Variants in CACNA1B observed in about 807,000 individuals in gnomAD.
CACNA1B encodes calcium voltage-gated channel subunit alpha1 B, also known as voltage-dependent N-type calcium channel subunit alpha-1B.
CACNA1B carries 70 observed loss-of-function variants against 247.2 expected under a neutral mutation model. That is an observed-to-expected ratio of 0.28 (90% CI 0.23 to 0.35). CACNA1B has a LOEUF of 0.35. Among genes scored for constraint, CACNA1B ranks in the 10% least tolerant of loss-of-function variants. The probability of loss-of-function intolerance (pLI) is 1.00; values close to 1 mark genes in which losing one functional copy is unlikely to be tolerated. For synonymous variants in CACNA1B, 1,231 were observed against 1,294.4 expected, an observed-to-expected ratio of 0.95 and a Z score of 1.05; for missense variants, 2,367 against 3,197.4, an observed-to-expected ratio of 0.74 and a Z score of 6.26.
At chr9:138,068,937 A>G (rs1027483360) in intron 31 of CACNA1B, among the ~76,000 whole-genome samples, 1 of 152,194 alleles carries the variant, frequency 6.6e-6, no homozygotes, top group Admixed American at 6.5e-5. Flanking sequence ...CTCAGCTGCG[A>G]GACAGTCGAG....
intron 6 of CACNA1B, among the ~76,000 whole-genome samples, chr9:137,939,851 A>T (rs7028353): frequency 0.24 from 18,152 of 75,630 alleles, 1,330 homozygotes; most frequent in East Asian, 0.35. Flanking sequence ...AATAAATAAA[A>T]AAAAATAAAA....
chr9:137,957,763 C>T lies in CACNA1B; in HGVS notation c.1333+76C>T, dbSNP rs901319443. 1 of 1,063,446 alleles carries T rather than the reference C, an allele frequency of 9.4e-7. No homozygotes were observed. 65.9% of individuals were successfully genotyped at this position (1,063,446 alleles called of 1,614,324 possible). The stretch of plus-strand genomic sequence containing the variant: ...AGTGCATGCTCCGCTTCCCCTGCTA[C>T]CCAGCCACTGTTGGACGCCCCTTCT... On this transcript the variant is annotated intron_variant, in intron 10 of 46. Transcript: ENST00000371372. The surrounding 1 kb of genome is among the most constrained non-coding windows in gnomAD (Gnocchi z 4.7).
chr9:137,979,257 AGGCCAAGGATAT>A (rs922433714), intron 12 of CACNA1B, among the ~76,000 whole-genome samples: 2 of 152,166 alleles, frequency 1.3e-5, no homozygotes, highest in African/African-American at 2.4e-5. Flanking sequence ...GCCCAGTTGA[AGGCCAAGGATAT>A]GGTCATTCCA....
At chr9:138,017,363 T>C (rs1958806109) in intron 18 of CACNA1B, among the ~76,000 whole-genome samples, 2 of 152,234 alleles carry the variant, frequency 1.3e-5, no homozygotes, top group African/African-American at 2.4e-5. Context: ...GTGGGCTTGC[T>C]CCCTGATGTC....
At chr9:138,022,716 C>T (rs1268221401) in intron 18 of CACNA1B, among the ~76,000 whole-genome samples, 1 of 152,088 alleles carries the variant, frequency 6.6e-6, no homozygotes, top group African/African-American at 2.4e-5. Context: ...GGTGCATTCC[C>T]ACTGTCCTGT....
At chr9:138,046,813 C>A in intron 21 of CACNA1B, 91 bp from the exon 22 acceptor site, 1 of 1,270,284 alleles carries the variant, frequency 7.9e-7, no homozygotes, top group South Asian at 1.4e-5. Flanking sequence ...AGCCCAGAGC[C>A]CTTTCTGCGG....
chr9:138,047,486 C>G lies in CACNA1B; in HGVS notation c.3603+28C>G, dbSNP rs200122899. On this transcript the variant is annotated intron_variant, in intron 23 of 46. Coordinates refer to ENST00000371372, the MANE Select transcript of CACNA1B (RefSeq NM_000718.4). ...GAGATATGTGGCTGCCCTTGTGACCCCAGTGTTTTGCTCTCCCTCCCTCAT... is the reference window on the plus strand; with the variant it reads ...GAGATATGTGGCTGCCCTTGTGACCGCAGTGTTTTGCTCTCCCTCCCTCAT... 4 of 1,552,976 alleles carry G rather than the reference C, an allele frequency of 2.6e-6. No homozygotes were observed. The South Asian group carries it at 4.5e-5, about 17-fold the overall frequency.
At chr9:137,960,494 G>A (rs891316059) in intron 10 of CACNA1B, among the ~76,000 whole-genome samples, 1 of 147,646 alleles carries the variant, frequency 6.8e-6, no homozygotes, top group Non-Finnish European at 1.5e-5. Context: ...GATGCGAGAC[G>A]CCGCCAGGGA....
chr9:138,002,676 T>G (rs1958592522), intron 15 of CACNA1B, among the ~76,000 whole-genome samples: 1 of 151,944 alleles, frequency 6.6e-6, no homozygotes, highest in Admixed American at 6.6e-5. Context: ...CACTGCGGCC[T>G]GGGCAACAGA....
chr9:137,981,591 C>T (rs1958294225), intron 12 of CACNA1B, among the ~76,000 whole-genome samples: 1 of 152,184 alleles, frequency 6.6e-6, no homozygotes, highest in Non-Finnish European at 1.5e-5. Flanking sequence ...ATTTTCCTGC[C>T]TCAGCCTCCT....
At position 138,011,440 on chromosome 9, in the gene CACNA1B, G is replaced by A. The variant is rs567295985; in HGVS notation, c.2160+1363G>A. On this transcript the variant is annotated intron_variant, in intron 17 of 46. Transcript: ENST00000371372. The surrounding 1 kb of genome is among the most constrained non-coding windows in gnomAD (Gnocchi z 4.2). ...TCGGGGCCACTGGGGGCCTGTCTGT[G>A]TCTGGCTGTGGGCATTTTTCTGGGC... is the stretch of plus-strand genomic sequence containing the variant. Among the ~76,000 whole-genome samples, 16 of 152,322 alleles carry A rather than the reference G, an allele frequency of 1.1e-4. No individual in the cohort carries two copies. The South Asian group carries it at 2.1e-3, about 20-fold the overall frequency.
intron 46 of CACNA1B, 28 bp downstream of exon 46, chr9:138,120,909 G>A (rs1351645804): frequency 1.3e-6 from 2 of 1,539,492 alleles, no homozygotes; most frequent in Middle Eastern, 1.7e-4. Flanking sequence ...AGAGGTCAGG[G>A]CCCAGCTGCC....
At chr9:137,916,241 C>G (rs921828926) in intron 5 of CACNA1B, among the ~76,000 whole-genome samples, 2 of 152,098 alleles carry the variant, frequency 1.3e-5, no homozygotes, top group Non-Finnish European at 2.9e-5. Flanking sequence ...CCATGTTGCC[C>G]AGGCTGGTCT....
In CACNA1B at chr9:138,050,837, C is replaced by T. The variant is rs1206781799; in HGVS notation, c.3711-1255C>T. Among the ~76,000 whole-genome samples, 2 of 152,160 alleles carry T rather than the reference C, an allele frequency of 1.3e-5. No homozygotes were observed. The highest frequency in any genetic ancestry group is 2.9e-5 in the Non-Finnish European group (2 of 68,022). On this transcript the variant is annotated intron_variant, in intron 24 of 46. Coordinates refer to ENST00000371372, the MANE Select transcript of CACNA1B (RefSeq NM_000718.4). The surrounding 1 kb of genome is among the most constrained non-coding windows in gnomAD (Gnocchi z 5.2). ...TGGAGACAGGAGGCTGGGTTCTTCC[C>T]ACCTGGAAGCGTTTCAGGGGGAGTT...
chr9:138,006,724 G>T lies in CACNA1B; in HGVS notation c.1975-43G>T, dbSNP rs11794499. ...GGTGGGGGTGCGTGTGTGTGGGGAA[G>T]GCGGCCATGGGGGCTTGCCCTGTGT... On this transcript the variant is annotated intron_variant, in intron 15 of 46. Coordinates refer to ENST00000371372, the MANE Select transcript of CACNA1B (RefSeq NM_000718.4). The T allele has an allele frequency of 8.1e-3, 9,042 of 1,121,314 alleles. 48 individuals carry two copies. Among genetic ancestry groups the T allele is most frequent in the Non-Finnish European group, 9.5e-3 (6,976 of 736,842 alleles). 69.5% of individuals were successfully genotyped at this position (1,121,314 alleles called of 1,614,324 possible). A position where few individuals can be genotyped will look rare whatever the true frequency, so the allele number is the denominator to read the frequency against.
chr9:138,027,076 T>C (rs1406962001), intron 20 of CACNA1B, among the ~76,000 whole-genome samples: 1 of 152,262 alleles, frequency 6.6e-6, no homozygotes, highest in Non-Finnish European at 1.5e-5. Context: ...TTTGATGAGA[T>C]TCCTATTCAA....
At chr9:137,935,313 C>T (rs1242866554) in intron 6 of CACNA1B, among the ~76,000 whole-genome samples, 2 of 152,072 alleles carry the variant, frequency 1.3e-5, no homozygotes. Flanking sequence ...TCCAAGTGTT[C>T]TCATTGTTCA....
At chr9:138,038,975 A>G (rs1374695274) in intron 20 of CACNA1B, among the ~76,000 whole-genome samples, 1 of 152,128 alleles carries the variant, frequency 6.6e-6, no homozygotes, top group Non-Finnish European at 1.5e-5. Flanking sequence ...ACCTGGTGTC[A>G]GGAGTTCGAG....
chr9:138,117,925 T>C, intron 42 of CACNA1B, 21 bp from the exon 43 acceptor site: 4 of 1,547,202 alleles, frequency 2.6e-6, no homozygotes, highest in Non-Finnish European at 3.5e-6. Flanking sequence ...TACAGGAATC[T>C]GTTTGTCTTC....
Sources: allele counts gnomAD v4.1 joint callset (sites outside exome capture counted in the v4.1 genomes callset), GRCh38; gene constraint gnomAD v4.1.1; non-coding constraint Gnocchi (gnomAD v3.1); transcripts MANE v1.5; gene names NCBI Gene and HGNC (gene_info 2026-07-23, HGNC 2026-07-21).